FRMD3: variants seen among roughly 807,000 people sequenced by gnomAD.
FRMD3 encodes the protein FERM domain containing 3, also known as FERM domain-containing protein 3.
A neutral mutation model predicts 70.2 loss-of-function variants in FRMD3; 33 were observed. The observed-to-expected ratio is 0.47, with a 90% confidence interval of 0.36 to 0.63. The LOEUF (loss-of-function observed/expected upper bound fraction) is 0.63. FRMD3 is among the 20% of genes least tolerant of loss of function. The pLI is 0.00. For missense variants in FRMD3, 632 were observed against 711.4 expected (o/e 0.89, Z 1.27); for synonymous variants, 279 against 255.9 (o/e 1.09, Z -0.86).
chr9:83,541,089 C>T (rs1244226857), upstream of FRMD3, among the ~76,000 whole-genome samples: 1 of 152,166 alleles, frequency 6.6e-6, no homozygotes, highest in Non-Finnish European at 1.5e-5. Context: ...AGATCCTCTT[C>T]GGAACTCACT....
chr9:83,363,555 T>TTTG (rs1485408859), intron 3 of FRMD3, among the ~76,000 whole-genome samples: 3 of 107,472 alleles, frequency 2.8e-5, no homozygotes, highest in African/African-American at 1.4e-4. Flanking sequence ...GACATAGGCT[T>TTTG]TTTTTTTTTT....
At chr9:83,276,391 A>T (rs1452645292) in intron 13 of FRMD3, 3 of 152,242 alleles carry the variant, frequency 2.0e-5, no homozygotes, top group Non-Finnish European at 4.4e-5. Flanking sequence ...AAAGGAAATT[A>T]CATTATATTA....
chr9:83,289,524 C>A (rs1834335100), intron 13 of FRMD3, among the ~76,000 whole-genome samples: 1 of 152,164 alleles, frequency 6.6e-6, no homozygotes, highest in Non-Finnish European at 1.5e-5. Context: ...TGTGTCACTG[C>A]AAATTGGTTG....
intron 10 of FRMD3, among the ~76,000 whole-genome samples, chr9:83,304,416 C>T (rs1835044639): frequency 6.6e-6 from 1 of 152,128 alleles, no homozygotes; most frequent in African/African-American, 2.4e-5. Context: ...AAAATATGGA[C>T]TCTCATGCCC....
At chr9:83,447,467 A>G (rs909727450) in intron 1 of FRMD3, among the ~76,000 whole-genome samples, 1 of 152,222 alleles carries the variant, frequency 6.6e-6, no homozygotes, top group Non-Finnish European at 1.5e-5. Context: ...ATGAGACACA[A>G]TAGGCAATCA....
intron 1 of FRMD3, among the ~76,000 whole-genome samples, chr9:83,431,888 G>T (rs1200660821): frequency 6.6e-6 from 1 of 152,162 alleles, no homozygotes; most frequent in Non-Finnish European, 1.5e-5. Context: ...TCATAAACAT[G>T]CTTGCTTGCC....
intron 1 of FRMD3, among the ~76,000 whole-genome samples, chr9:83,453,193 A>C (rs1028154338): frequency 4.6e-5 from 7 of 152,142 alleles, no homozygotes; most frequent in African/African-American, 1.4e-4. Context: ...TCTTAATTTG[A>C]GTTCTCAAAA....
At chr9:83,464,587 C>T (rs951783377) in intron 1 of FRMD3, among the ~76,000 whole-genome samples, 1 of 152,188 alleles carries the variant, frequency 6.6e-6, no homozygotes, top group Non-Finnish European at 1.5e-5. Context: ...TCAATCTGAT[C>T]GAAACCCATG....
intron 1 of FRMD3, among the ~76,000 whole-genome samples, chr9:83,449,374 T>C (rs1358851809): frequency 2.0e-5 from 3 of 152,192 alleles, no homozygotes; most frequent in Non-Finnish European, 2.9e-5. Flanking sequence ...CTGTAAAATA[T>C]CTTTTAGAAG....
intron 13 of FRMD3, among the ~76,000 whole-genome samples, chr9:83,275,737 A>G (rs1413427133): frequency 1.3e-5 from 2 of 152,220 alleles, no homozygotes; most frequent in Admixed American, 1.3e-4. Flanking sequence ...CTAAACCCTC[A>G]TGAATAAAAC....
chr9:83,358,672 G>GTATGTATT (rs1554692406), intron 3 of FRMD3, among the ~76,000 whole-genome samples: 3 of 142,966 alleles, frequency 2.1e-5, no homozygotes, highest in African/African-American at 5.1e-5. Context: ...ATATTCTTAA[G>GTATGTATT]TATTTATTTA....
intron 7 of FRMD3, 109 bp downstream of exon 7, chr9:83,313,551 G>A: frequency 4.7e-6 from 4 of 856,232 alleles, no homozygotes; most frequent in South Asian, 1.5e-5. Context: ...GGGACCGTGG[G>A]CCAAGCTGTG....
At chr9:83,546,442 T>C in the FRMD3 span, among the ~76,000 whole-genome samples, 1 of 152,152 alleles carries the variant, frequency 6.6e-6, no homozygotes, top group Non-Finnish European at 1.5e-5. Flanking sequence ...AGAAATAAAC[T>C]ATTTCCCAGA....
chr9:83,560,184 T>C, the FRMD3 span, among the ~76,000 whole-genome samples: 3 of 152,150 alleles, frequency 2.0e-5, no homozygotes, highest in Middle Eastern at 3.2e-3. Flanking sequence ...GCAGTGCGAG[T>C]TTGCAGCATC....
At chr9:83,583,981 T>G in the FRMD3 span, among the ~76,000 whole-genome samples, 2 of 152,200 alleles carry the variant, frequency 1.3e-5, no homozygotes, top group South Asian at 4.1e-4. Context: ...TTCAGCCTCC[T>G]TCGATAGTGA....
intron 3 of FRMD3, among the ~76,000 whole-genome samples, chr9:83,368,137 G>A (rs1824848941): frequency 2.0e-5 from 3 of 152,140 alleles, no homozygotes; most frequent in African/African-American, 4.8e-5. Flanking sequence ...ACCAGTGGTT[G>A]CGAGTTGTTG....
At chr9:83,398,987 A>G (rs778247700) in intron 1 of FRMD3, among the ~76,000 whole-genome samples, 19 of 152,316 alleles carry the variant, frequency 1.2e-4, no homozygotes, top group Admixed American at 2.6e-4. Flanking sequence ...ATGGTAGAGA[A>G]TGAAAACCCA....
At chr9:83,284,440 TCTACCAAAAATACAAAAATTA>T in intron 13 of FRMD3, among the ~76,000 whole-genome samples, 3 of 152,126 alleles carry the variant, frequency 2.0e-5, no homozygotes, top group Non-Finnish European at 4.4e-5. Context: ...AAACCCCGTC[TCTACCAAAAATACAAAAATTA>T]GCTGGGCATG....
the FRMD3 span, among the ~76,000 whole-genome samples, chr9:83,580,907 C>A: frequency 6.6e-6 from 1 of 151,956 alleles, no homozygotes. Flanking sequence ...AAAAATAATA[C>A]TAATTTTTTT....
Sources: gnomAD v4.1 joint callset for allele counts (sites outside exome capture counted in the v4.1 genomes callset) on GRCh38, gnomAD v4.1.1 for gene constraint, MANE v1.5 for transcripts, NCBI Gene and HGNC (gene_info 2026-07-23, HGNC 2026-07-21) for gene names.